The following LGR5 variants were observed in gnomAD, a reference collection of about 807,000 sequenced individuals.
LGR5 encodes the protein leucine-rich repeat-containing G protein-coupled receptor 5.
Under a neutral mutation model 76.7 loss-of-function variants are expected in LGR5, and 54 were observed. The ratio of observed to expected loss-of-function variants is 0.70; its 90% CI spans 0.57 to 0.88. The LOEUF is 0.88. Among genes scored for constraint, LGR5 ranks in the 40% least tolerant of loss-of-function variants. The pLI is 0.00. For synonymous variants in LGR5, 406 were observed against 421.9 expected (o/e 0.96, Z 0.46); for missense variants, 1,078 against 1,073.3 (o/e 1.00, Z -0.06).
Position 71,584,104 on chromosome 12 carries a change from T to C in LGR5, c.2094T>C (p.Val698=), listed in dbSNP as rs1879213670. ...CALLALTMAA[V]PLLGGSKYGA... is the part of the protein sequence containing the mutation. ...TGCTGGCCTTGACCATGGCCGCAGT[T>C]CCCCTGCTGGGTGGCAGCAAGTATG... The change falls in exon 18 of 18, where the codon GTT becomes GTC. Residue 698 remains valine (V), a synonymous_variant. Transcript: ENST00000266674. 1 of 1,614,222 alleles carries C rather than the reference T, an allele frequency of 6.2e-7. No homozygotes were observed. Among genetic ancestry groups the C allele is most frequent in the African/African-American group, 1.3e-5 (1 of 75,046 alleles).
intron 5 of LGR5, 131 bp from the exon 6 acceptor site, chr12:71,556,488 G>A (rs1189572720): frequency 3.0e-6 from 2 of 669,706 alleles, no homozygotes; most frequent in African/African-American, 1.8e-5. Flanking sequence ...GCAGCATATA[G>A]CCATTTTTTA....
intron 11 of LGR5, among the ~76,000 whole-genome samples, chr12:71,570,663 C>G (rs556126676): frequency 6.1e-4 from 93 of 152,238 alleles, no homozygotes; most frequent in Non-Finnish European, 9.4e-4. Context: ...TTCATTTGTA[C>G]TATTTATGCG....
intron 1 of LGR5, among the ~76,000 whole-genome samples, chr12:71,486,841 G>A (rs368598897): frequency 3.9e-5 from 6 of 151,914 alleles, no homozygotes; most frequent in African/African-American, 1.5e-4. Flanking sequence ...AAAAAAAAGA[G>A]GGGCTCTTAC....
intron 1 of LGR5, among the ~76,000 whole-genome samples, chr12:71,476,140 A>AG (rs1345449428): frequency 1.3e-5 from 2 of 152,194 alleles, no homozygotes; most frequent in Non-Finnish European, 2.9e-5. Context: ...CAAACCCACC[A>AG]GTTCCAGTGG....
intron 1 of LGR5, among the ~76,000 whole-genome samples, chr12:71,486,413 T>C (rs1311187061): frequency 6.6e-6 from 1 of 151,496 alleles, no homozygotes. Context: ...ACCAGGGGAG[T>C]CAACATCATG....
intron 1 of LGR5, among the ~76,000 whole-genome samples, chr12:71,457,775 T>C (rs1872544255): frequency 6.6e-6 from 1 of 152,164 alleles, no homozygotes; most frequent in Admixed American, 6.5e-5. Flanking sequence ...TCCCTGAAGC[T>C]CAGCCTTTCA....
intron 7 of LGR5, 59 bp downstream of exon 7, chr12:71,559,713 A>G (rs74101877): frequency 1.1e-6 from 1 of 925,026 alleles, no homozygotes; most frequent in African/African-American, 1.7e-5. Flanking sequence ...TTTATTTAAA[A>G]ATACATGTGA....
At position 71,440,029 on chromosome 12, in the gene LGR5, C is replaced by A; in HGVS notation, c.-52C>A. 1.3e-6 allele frequency: 2 copies of A among 1,556,468 alleles called. No individual in the cohort carries two copies. The highest frequency in any genetic ancestry group is 2.2e-5 in the South Asian group (2 of 90,038). On this transcript the variant is annotated 5_prime_UTR_variant, in exon 1 of 18. Coordinates refer to ENST00000266674, the MANE Select transcript of LGR5 (RefSeq NM_003667.4). The surrounding 1 kb of genome is among the most constrained non-coding windows in gnomAD (Gnocchi z 5.3). The stretch of plus-strand genomic sequence containing the variant: ...CCGGCGCGCCACGGCCCGTAGCAGT[C>A]CGGTGCTGCTCTCCGCCCGCGTCCG...
chr12:71,561,897 G>A (rs1201612513), intron 8 of LGR5, 45 bp downstream of exon 8: 5 of 1,103,474 alleles, frequency 4.5e-6, no homozygotes, highest in African/African-American at 3.1e-5. Flanking sequence ...CTGAAATATA[G>A]CATATATTAT....
At chr12:71,494,578 T>A (rs2137285700) in intron 1 of LGR5, among the ~76,000 whole-genome samples, 1 of 151,364 alleles carries the variant, frequency 6.6e-6, no homozygotes, top group East Asian at 1.9e-4. Context: ...TCAAATTATT[T>A]CTTGTAGGCA....
Position 71,578,834 on chromosome 12 carries a change from T to A in LGR5, c.1311T>A (p.Phe437Leu). ...TATCGTCCAACCTCCTGTCGTCTTTTCCTATAACTGGGTTACATGGTTTAA... is the reference window on the plus strand; with the variant it reads ...TATCGTCCAACCTCCTGTCGTCTTTACCTATAACTGGGTTACATGGTTTAA... The part of the protein sequence containing the change: ...LDLSSNLLSS[F>L]PITGLHGLTH... Residue 437 changes from phenylalanine to leucine, a missense_variant, in exon 15 of 18, where the codon TTT becomes TTA. Phe to Leu is a conservative substitution (Grantham distance 22). Coordinates refer to ENST00000266674, the MANE Select transcript of LGR5 (RefSeq NM_003667.4). The A allele has an allele frequency of 6.2e-7, 1 of 1,610,858 alleles. No individual in the cohort carries two copies. Among genetic ancestry groups the A allele is most frequent in the Non-Finnish European group, 8.5e-7 (1 of 1,178,240 alleles).
chr12:71,496,625 T>A (rs549623746), intron 1 of LGR5, among the ~76,000 whole-genome samples: 4 of 152,306 alleles, frequency 2.6e-5, no homozygotes, highest in East Asian at 3.9e-4. Flanking sequence ...TCAATAAATG[T>A]GTTTAAGAAT....
At chr12:71,541,387 AT>A (rs573857791) in intron 4 of LGR5, among the ~76,000 whole-genome samples, 23 of 152,342 alleles carry the variant, frequency 1.5e-4, no homozygotes, top group Admixed American at 1.2e-3. Flanking sequence ...GAATATGGGT[AT>A]TATGGAATGA....
rs1879255419 is a variant in LGR5, at chr12:71,584,801, G to A, written c.*67G>A. On this transcript the variant is annotated 3_prime_UTR_variant, in exon 18 of 18. Transcript: ENST00000266674. Reference sequence around the variant, plus strand: ...AAAATGTGAGATTGAGTATATCAGAGCAGTAATTAATAAGAAGAGCTGAGG... The same window carrying A: ...AAAATGTGAGATTGAGTATATCAGAACAGTAATTAATAAGAAGAGCTGAGG... The A allele has an allele frequency of 6.8e-7, 1 of 1,476,614 alleles. No individual in the cohort carries two copies. The highest frequency in any genetic ancestry group is 1.4e-5 in the African/African-American group (1 of 71,018). 91.5% of individuals were successfully genotyped at this position (1,476,614 alleles called of 1,614,324 possible).
chr12:71,543,998 A>G (rs562649514), intron 4 of LGR5, among the ~76,000 whole-genome samples: 53 of 152,350 alleles, frequency 3.5e-4, no homozygotes, highest in African/African-American at 1.2e-3. Context: ...CATTGGCTGT[A>G]GATCATCTCC....
chr12:71,473,665 G>A (rs1357897734), intron 1 of LGR5, among the ~76,000 whole-genome samples: 1 of 151,254 alleles, frequency 6.6e-6, no homozygotes, highest in East Asian at 1.9e-4. Context: ...TTAGAATTTG[G>A]TTTAAAAAGA....
chr12:71,468,202 A>AAATAT (rs1294463279), intron 1 of LGR5, among the ~76,000 whole-genome samples: 2 of 152,240 alleles, frequency 1.3e-5, no homozygotes, highest in Admixed American at 1.3e-4. Flanking sequence ...AAATAAAATA[A>AAATAT]AATGTTGTCT....
rs930248851 is a variant in LGR5, at chr12:71,577,975, C to T, written c.1259C>T (p.Thr420Ile). 1.2e-6 allele frequency: 2 copies of T among 1,612,860 alleles called. No individual in the cohort carries two copies. Among genetic ancestry groups the T allele is most frequent in the Non-Finnish European group, 1.7e-6 (2 of 1,178,994 alleles). The change falls in exon 14 of 18, where the codon ACT becomes ATT. Residue 420 changes from threonine to isoleucine, a missense_variant. Physicochemically the swap from Thr to Ile is moderately conservative, Grantham distance 89. Transcript: ENST00000266674. ...ATTATTCACCCCAATGCATTTTCCACTTTGCCATCCCTAATAAAGCTGTGA... is the reference window on the plus strand; with the variant it reads ...ATTATTCACCCCAATGCATTTTCCATTTTGCCATCCCTAATAAAGCTGTGA... Reference protein sequence around the residue: ...IAIIHPNAFSTLPSLIKLDLS... With the variant: ...IAIIHPNAFSILPSLIKLDLS...
intron 4 of LGR5, among the ~76,000 whole-genome samples, chr12:71,541,642 C>A (rs1040494854): frequency 1.3e-5 from 2 of 152,174 alleles, no homozygotes; most frequent in East Asian, 1.9e-4. Context: ...GTTATCAAAG[C>A]AGCAGCCTCC....
Sources: gnomAD v4.1 joint callset for allele counts (sites outside exome capture counted in the v4.1 genomes callset) on GRCh38, gnomAD v4.1.1 for gene constraint, Gnocchi (gnomAD v3.1) non-coding constraint, MANE v1.5 for transcripts, NCBI Gene and HGNC (gene_info 2026-07-23, HGNC 2026-07-21) for gene names.